Variants in WAPL observed in about 807,000 individuals in gnomAD.
WAPL encodes the protein wings apart-like protein homolog.
In WAPL, 5 loss-of-function variants were observed where a neutral mutation model predicts 121.0. The ratio of observed to expected loss-of-function variants is 0.04; its 90% CI spans 0.02 to 0.09. WAPL has a LOEUF of 0.09. Ranked by LOEUF, WAPL falls within the 10% of genes least tolerant of loss-of-function variation. The pLI, the probability that WAPL is intolerant of heterozygous loss-of-function variation, is 1.00. For synonymous variants in WAPL, 480 were observed against 481.5 expected (o/e 1.00, Z 0.04); for missense variants, 999 against 1,410.8 (o/e 0.71, Z 4.68).
Position 86,443,519 on chromosome 10 carries a change from C to G in WAPL, c.3323-156G>C, listed in dbSNP as rs1849526001. The G allele has an allele frequency of 6.1e-6, 3 of 491,746 alleles. No homozygotes were observed. The South Asian group carries it at 1.5e-4, about 25-fold the overall frequency. 30.5% of individuals were successfully genotyped at this position (491,746 alleles called of 1,614,324 possible). ...ATCCACAGATTAACAAAAATTTAATCAAAATGAAATAGGGATCCAAAAGAA... is the reference window on the plus strand; with the variant it reads ...ATCCACAGATTAACAAAAATTTAATGAAAATGAAATAGGGATCCAAAAGAA... On this transcript the variant is annotated intron_variant, in intron 16 of 18. Coordinates refer to ENST00000298767, the MANE Select transcript of WAPL (RefSeq NM_015045.5).
Position 86,497,192 on chromosome 10 carries a change from T to C in WAPL, c.1644+9A>G. On this transcript the variant is annotated intron_variant, in intron 4 of 18. Transcript: ENST00000298767. ...AAATAATAAAAATCACTGACAGTGCTTTACTTACCCGTTTGGGGCCACTAA... is the reference window on the plus strand; with the variant it reads ...AAATAATAAAAATCACTGACAGTGCCTTACTTACCCGTTTGGGGCCACTAA... 6.3e-7 allele frequency: 1 copy of C among 1,596,804 alleles called. No homozygotes were observed.
chr10:86,447,329 G>A (rs572372341), intron 15 of WAPL, among the ~76,000 whole-genome samples: 1 of 152,348 alleles, frequency 6.6e-6, no homozygotes, highest in South Asian at 2.1e-4. Context: ...AGAAGAGAAT[G>A]ATGGACTCCT....
At chr10:86,468,253 A>G (rs1203900602) in intron 8 of WAPL, among the ~76,000 whole-genome samples, 1 of 152,004 alleles carries the variant, frequency 6.6e-6, no homozygotes, top group East Asian at 1.9e-4. Context: ...GCTGGACTGC[A>G]GTGGCACATA....
In WAPL at chr10:86,503,580, G is replaced by A. The variant is rs747002793; in HGVS notation, c.500-2837C>T. Reference sequence around the variant, plus strand: ...ATCCTGGCTAACACAGTGAAACTCCGTCTCTACTAAAAATACAAAAAAATG... The same window carrying A: ...ATCCTGGCTAACACAGTGAAACTCCATCTCTACTAAAAATACAAAAAAATG... On this transcript the variant is annotated intron_variant, in intron 2 of 18. Transcript: ENST00000298767. 2.6e-5 allele frequency among the ~76,000 whole-genome samples: 4 copies of A among 151,838 alleles called. No individual in the cohort carries two copies. The South Asian group carries it at 6.2e-4, about 24-fold the overall frequency.
chr10:86,446,830 T>C (rs1039326279), intron 15 of WAPL, among the ~76,000 whole-genome samples: 14 of 152,264 alleles, frequency 9.2e-5, no homozygotes, highest in African/African-American at 2.2e-4. Context: ...TACTGACACA[T>C]AGAAAAAACA....
At chr10:86,486,484 C>T (rs1841932687) in intron 4 of WAPL, among the ~76,000 whole-genome samples, 1 of 152,138 alleles carries the variant, frequency 6.6e-6, no homozygotes. Context: ...CATTCTAAAA[C>T]AACTAAATAT....
chr10:86,512,780 G>A (rs1406582601), intron 2 of WAPL, among the ~76,000 whole-genome samples: 1 of 152,186 alleles, frequency 6.6e-6, no homozygotes, highest in Non-Finnish European at 1.5e-5. Flanking sequence ...AGTGGAGAGA[G>A]TAGCGTGCAA....
chr10:86,471,668 T>C (rs1364742287), intron 7 of WAPL, among the ~76,000 whole-genome samples: 2 of 152,156 alleles, frequency 1.3e-5, no homozygotes, highest in African/African-American at 2.4e-5. Context: ...TCTTTCTTGT[T>C]TTTGGAGACA....
chr10:86,439,219 C>G, intron 17 of WAPL, among the ~76,000 whole-genome samples: 1 of 151,932 alleles, frequency 6.6e-6, no homozygotes, highest in East Asian at 1.9e-4. Flanking sequence ...AATTAGAAAG[C>G]AGCAAAAAAA....
At chr10:86,459,871 T>C (rs1367846323) in intron 11 of WAPL, among the ~76,000 whole-genome samples, 2 of 152,210 alleles carry the variant, frequency 1.3e-5, no homozygotes, top group Non-Finnish European at 2.9e-5. Flanking sequence ...CCCAATACTT[T>C]GGGAGGCTGA....
chr10:86,476,520 C>T (rs1186446110), intron 4 of WAPL, among the ~76,000 whole-genome samples: 1 of 151,908 alleles, frequency 6.6e-6, no homozygotes, highest in Non-Finnish European at 1.5e-5. Flanking sequence ...GAAACCCCGT[C>T]TCTACTAAAA....
intron 2 of WAPL, among the ~76,000 whole-genome samples, chr10:86,506,775 G>C (rs1842359192): frequency 6.6e-6 from 1 of 152,006 alleles, no homozygotes; most frequent in South Asian, 2.1e-4. Flanking sequence ...GGGCAACAGA[G>C]AAAGACCTTG....
At position 86,469,253 on chromosome 10, in the gene WAPL, T is replaced by G. The variant is rs1564571370; in HGVS notation, c.2142+1739A>C. ...TGGTTGAACCAAATAATTTTTTTTTTTTTTTTTTTTTTTTTTTGAGACGGA... is the reference window on the plus strand; with the variant it reads ...TGGTTGAACCAAATAATTTTTTTTTGTTTTTTTTTTTTTTTTTGAGACGGA... On this transcript the variant is annotated intron_variant, in intron 8 of 18. Coordinates refer to ENST00000298767, the MANE Select transcript of WAPL (RefSeq NM_015045.5). Among the ~76,000 whole-genome samples, 6 of 135,994 alleles carry G rather than the reference T, an allele frequency of 4.4e-5. 2 individuals are homozygous for G. The highest frequency in any genetic ancestry group is 4.7e-5 in the Non-Finnish European group (3 of 64,286). The allele number at this position is 135,994 out of a possible 152,430, so 89.2% of individuals were successfully genotyped here.
At chr10:86,491,131 T>C (rs1198725445) in intron 4 of WAPL, among the ~76,000 whole-genome samples, 1 of 131,086 alleles carries the variant, frequency 7.6e-6, no homozygotes, top group South Asian at 2.6e-4. Context: ...CATAAACTCA[T>C]GGTTCTTTTT....
chr10:86,477,701 T>C (rs2132198547), intron 4 of WAPL, among the ~76,000 whole-genome samples: 1 of 152,200 alleles, frequency 6.6e-6, no homozygotes, highest in Admixed American at 6.5e-5. Flanking sequence ...CTTGGGAGGC[T>C]GAGGCAGGAG....
chr10:86,445,153 ATC>A (rs368236529), intron 16 of WAPL, among the ~76,000 whole-genome samples: 229 of 152,304 alleles, frequency 1.5e-3, no homozygotes, highest in African/African-American at 5.4e-3. Flanking sequence ...GGAGGCTCAA[ATC>A]TCTGACAGGA....
intron 13 of WAPL, among the ~76,000 whole-genome samples, 155 bp downstream of exon 13, chr10:86,453,501 A>C (rs1360762512): frequency 1.3e-5 from 2 of 152,234 alleles, no homozygotes; most frequent in African/African-American, 2.4e-5. Flanking sequence ...TAAAAATATC[A>C]ACTCTTAAAA....
At chr10:86,462,743 A>G (rs1427755643) in intron 9 of WAPL, among the ~76,000 whole-genome samples, 9 of 147,482 alleles carry the variant, frequency 6.1e-5, no homozygotes, top group African/African-American at 2.0e-4. Context: ...AAAAAAAAAG[A>G]GTTGTTCTCC....
chr10:86,508,283 G>A, intron 2 of WAPL, among the ~76,000 whole-genome samples: 1 of 152,040 alleles, frequency 6.6e-6, no homozygotes, highest in Non-Finnish European at 1.5e-5. Flanking sequence ...TATGGGATAA[G>A]GGAAAACACA....
Sources: allele counts gnomAD v4.1 joint callset (sites outside exome capture counted in the v4.1 genomes callset), GRCh38; gene constraint gnomAD v4.1.1; transcripts MANE v1.5; gene names NCBI Gene and HGNC (gene_info 2026-07-23, HGNC 2026-07-21).